The following DARS2 variants were observed in gnomAD, a reference collection of about 807,000 sequenced individuals.
The protein encoded by DARS2 is aspartyl-tRNA synthetase 2, mitochondrial.
A neutral mutation model predicts 83.0 loss-of-function variants in DARS2; 63 were observed. That is an observed-to-expected ratio of 0.76 (90% CI 0.62 to 0.94). The LOEUF is 0.94. DARS2 is among the 40% of genes least tolerant of loss of function. DARS2 has a pLI of 0.00. For synonymous variants in DARS2, 250 were observed against 269.3 expected, an observed-to-expected ratio of 0.93 and a Z score of 0.70; for missense variants, 675 against 774.4, an observed-to-expected ratio of 0.87 and a Z score of 1.52.
At chr1:173,850,979 T>C (rs1653641174) in intron 13 of DARS2, among the ~76,000 whole-genome samples, 1 of 151,944 alleles carries the variant, frequency 6.6e-6, no homozygotes, top group Non-Finnish European at 1.5e-5. Context: ...GGCTAACGCC[T>C]GTAATCCCAG....
chr1:173,854,020 G>A, intron 15 of DARS2, 115 bp downstream of exon 15: 1 of 895,788 alleles, frequency 1.1e-6, no homozygotes, highest in African/African-American at 1.6e-5. Context: ...CTGTCACCCA[G>A]GCAGGTGTCT....
chr1:173,839,608 C>T, intron 10 of DARS2, 62 bp downstream of exon 10: 1 of 1,500,884 alleles, frequency 6.7e-7, no homozygotes, highest in East Asian at 2.3e-5. Flanking sequence ...TTTTAAACCA[C>T]TTTGAAATTG....
intron 12 of DARS2, among the ~76,000 whole-genome samples, chr1:173,848,380 G>C (rs1653522448): frequency 6.6e-6 from 1 of 152,198 alleles, no homozygotes; most frequent in South Asian, 2.1e-4. Flanking sequence ...TCTTAGAAGA[G>C]TGCTGTCCAA....
chr1:173,830,906 A>G (rs1478448998), intron 4 of DARS2, 145 bp downstream of exon 4: 1 of 695,516 alleles, frequency 1.4e-6, no homozygotes, highest in African/African-American at 1.8e-5. Context: ...CAAAATCTTG[A>G]CTATAAACAA....
intron 3 of DARS2, among the ~76,000 whole-genome samples, chr1:173,829,177 T>C (rs1384380476): frequency 6.6e-6 from 1 of 151,498 alleles, no homozygotes. Flanking sequence ...GTATAAAAAC[T>C]GGGGGAAGGA....
intron 5 of DARS2, among the ~76,000 whole-genome samples, chr1:173,832,115 A>G (rs1428590865): frequency 6.6e-6 from 1 of 152,210 alleles, no homozygotes; most frequent in Non-Finnish European, 1.5e-5. Context: ...ATGGAGCTGT[A>G]CACTCATATG....
chr1:173,836,350 G>A (rs1439554191), intron 7 of DARS2, among the ~76,000 whole-genome samples: 1 of 151,234 alleles, frequency 6.6e-6, no homozygotes, highest in Non-Finnish European at 1.5e-5. Flanking sequence ...GACCAGCCTG[G>A]CCAACATGGC....
At chr1:173,842,111 G>A (rs995156067) in intron 11 of DARS2, among the ~76,000 whole-genome samples, 5 of 151,862 alleles carry the variant, frequency 3.3e-5, no homozygotes, top group African/African-American at 9.7e-5. Flanking sequence ...CTAAAGCAAC[G>A]GTACACGTCT....
At chr1:173,852,783 G>A (rs1653723618) in intron 13 of DARS2, among the ~76,000 whole-genome samples, 1 of 152,092 alleles carries the variant, frequency 6.6e-6, no homozygotes, top group Non-Finnish European at 1.5e-5. Flanking sequence ...GATTACAGGT[G>A]TGAGCCACTG....
At chr1:173,836,004 C>T (rs1285183699) in intron 7 of DARS2, among the ~76,000 whole-genome samples, 1 of 151,868 alleles carries the variant, frequency 6.6e-6, no homozygotes, top group African/African-American at 2.4e-5. Context: ...TTGTAATGAG[C>T]CAAGATCACG....
intron 12 of DARS2, among the ~76,000 whole-genome samples, chr1:173,848,271 A>C (rs947402151): frequency 6.6e-6 from 1 of 152,192 alleles, no homozygotes; most frequent in East Asian, 1.9e-4. Context: ...TGAGAGATCA[A>C]CTTACTGAGT....
intron 12 of DARS2, among the ~76,000 whole-genome samples, chr1:173,849,345 C>G (rs896839965): frequency 6.6e-5 from 10 of 151,672 alleles, no homozygotes; most frequent in African/African-American, 2.4e-4. Flanking sequence ...ACCAGCCTGG[C>G]CAACATAGTG....
chr1:173,852,388 A>G (rs1283388801), intron 13 of DARS2: 2 of 451,616 alleles, frequency 4.4e-6, no homozygotes, highest in East Asian at 1.6e-4. Context: ...TTTAAAAATA[A>G]GAAAAGTGAG....
chr1:173,825,790 T>A (rs1483116489), intron 1 of DARS2, among the ~76,000 whole-genome samples: 1 of 61,964 alleles, frequency 1.6e-5, no homozygotes, highest in Non-Finnish European at 3.0e-5. Flanking sequence ...CTTAACTGGA[T>A]AGCCTTATGT....
intron 4 of DARS2, among the ~76,000 whole-genome samples, chr1:173,831,297 T>G (rs1652789472): frequency 6.6e-6 from 1 of 151,494 alleles, no homozygotes; most frequent in Non-Finnish European, 1.5e-5. Flanking sequence ...TCCTCCTGTC[T>G]CAGCCTCCCA....
At chr1:173,829,031 G>A (rs1048350561) in intron 3 of DARS2, among the ~76,000 whole-genome samples, 5 of 151,794 alleles carry the variant, frequency 3.3e-5, no homozygotes, top group East Asian at 1.9e-4. Context: ...CTACTCAGCC[G>A]TACAAAAAAG....
Position 173,828,313 on chromosome 1 carries a change from T to TA in DARS2, c.228-20_228-19insA, listed in dbSNP as rs1553201264. ...AGATTTTATCTTAAAATGTTTCTTT[T>TA]CCCCCCCCCCATTAATCAGGCAAAA... On this transcript the variant is annotated intron_variant, in intron 2 of 16. Transcript: ENST00000649689. 3 of 1,232,188 alleles carry TA rather than the reference T, an allele frequency of 2.4e-6. No homozygotes were observed. The highest frequency in any genetic ancestry group is 3.0e-5 in the African/African-American group (2 of 67,618). 76.3% of individuals were successfully genotyped at this position (1,232,188 alleles called of 1,614,324 possible).
chr1:173,825,448 C>CTATTATTATTATTATTATTAT (rs1167728196), intron 1 of DARS2, 92 bp downstream of exon 1: 73 of 646,152 alleles, frequency 1.1e-4, no homozygotes, highest in African/African-American at 2.2e-4. Context: ...ATTTTTTCCC[C>CTATTATTATTATTATTATTAT]CATTATTATT....
intron 14 of DARS2, 23 bp from the exon 15 acceptor site, chr1:173,853,770 CAT>C (rs755239868): frequency 6.3e-6 from 10 of 1,598,586 alleles, no homozygotes; most frequent in South Asian, 4.4e-5. Flanking sequence ...TTTTCTCTAA[CAT>C]AAAGTATCTG....
Sources: allele counts gnomAD v4.1 joint callset (sites outside exome capture counted in the v4.1 genomes callset), GRCh38; gene constraint gnomAD v4.1.1; transcripts MANE v1.5; gene names NCBI Gene and HGNC (gene_info 2026-07-23, HGNC 2026-07-21).